GAD2: variants seen among roughly 807,000 people sequenced by gnomAD.
GAD2 encodes the protein 65 kDa glutamic acid decarboxylase.
In GAD2, 22 loss-of-function variants were observed where a neutral mutation model predicts 80.1. The ratio of observed to expected loss-of-function variants is 0.27; its 90% CI spans 0.20 to 0.39. The LOEUF is 0.39. Ranked by LOEUF, GAD2 falls within the 10% of genes least tolerant of loss-of-function variation. The pLI, the probability that GAD2 is intolerant of heterozygous loss-of-function variation, is 1.00. For synonymous variants in GAD2, 274 were observed against 256.9 expected (o/e 1.07, Z -0.64); for missense variants, 624 against 738.4 (o/e 0.85, Z 1.80).
intron 8 of GAD2, among the ~76,000 whole-genome samples, chr10:26,248,047 A>T (rs1179327352): frequency 2.6e-5 from 4 of 152,180 alleles, no homozygotes; most frequent in Non-Finnish European, 5.9e-5. Context: ...AGAAAGGAGG[A>T]CATTTATTTG....
intron 7 of GAD2, among the ~76,000 whole-genome samples, chr10:26,239,452 C>T (rs866228581): frequency 1.3e-5 from 2 of 152,168 alleles, no homozygotes; most frequent in African/African-American, 4.8e-5. Flanking sequence ...TCCACCAGAG[C>T]CACACCAACA....
At chr10:26,239,064 A>G (rs183778845) in intron 7 of GAD2, among the ~76,000 whole-genome samples, 73 of 152,252 alleles carry the variant, frequency 4.8e-4, no homozygotes, top group African/African-American at 1.7e-3. Context: ...TTCAAGATCT[A>G]CTTGTTGAGG....
rs771522366 is a variant in GAD2 at position 26,224,547 on chromosome 10, A to T, written c.620A>T (p.Tyr207Phe). The T allele has an allele frequency of 3.1e-6, 5 of 1,607,922 alleles. No individual in the cohort carries two copies. Among genetic ancestry groups the T allele is most frequent in the Non-Finnish European group, 4.3e-6 (5 of 1,174,424 alleles). Residue 207 changes from tyrosine to phenylalanine, a missense_variant, in exon 6 of 16, where the codon TAT becomes TTT. Transcript: ENST00000376261. The part of the protein sequence containing the change: ...TSTANTNMFT[Y>F]EIAPVFVLLE... ...CCATTACTACATTTCAGGTTCACCTATGAAATTGCTCCAGTATTTGTGCTT... is the reference window on the plus strand; with the variant it reads ...CCATTACTACATTTCAGGTTCACCTTTGAAATTGCTCCAGTATTTGTGCTT...
intron 8 of GAD2, among the ~76,000 whole-genome samples, chr10:26,264,669 G>T (rs901702752): frequency 4.6e-5 from 7 of 152,258 alleles, no homozygotes; most frequent in Non-Finnish European, 8.8e-5. Context: ...TTCCTAATCT[G>T]CACTGTAAGT....
rs1834344117 is a variant in GAD2 at position 26,303,052 on chromosome 10, G to A, written c.*2091G>A. The stretch of plus-strand genomic sequence containing the variant: ...GAGATGCTAATTGATCCAACCTGCT[G>A]TCCTTCGTGGAGAAGACAGTGGGGC... On this transcript the variant is annotated 3_prime_UTR_variant, in exon 16 of 16. Transcript: ENST00000376261. 1 of 152,226 alleles carries A rather than the reference G, an allele frequency of 6.6e-6. No homozygotes were observed. The highest frequency in any genetic ancestry group is 1.5e-5 in the Non-Finnish European group (1 of 68,060). The allele number at this position is 152,226 out of a possible 1,614,324, so 9.4% of individuals were successfully genotyped here. A position where few individuals can be genotyped will look rare whatever the true frequency, so the allele number is the denominator to read the frequency against.
chr10:26,245,520 C>T (rs1844798007), intron 7 of GAD2, among the ~76,000 whole-genome samples: 1 of 151,818 alleles, frequency 6.6e-6, no homozygotes, highest in Non-Finnish European at 1.5e-5. Context: ...TCACTGCAAC[C>T]TCCGCCTCCC....
At chr10:26,278,252 C>A (rs992990) in intron 11 of GAD2, among the ~76,000 whole-genome samples, 55,048 of 152,010 alleles carry the variant, frequency 0.36, 11,276 homozygotes, top group African/African-American at 0.57. Flanking sequence ...TGAGTTTATC[C>A]GAATTAGACA....
chr10:26,251,150 G>A lies in GAD2; in HGVS notation c.920+5150G>A, dbSNP rs925942860. 4.7e-5 allele frequency among the ~76,000 whole-genome samples: 7 copies of A among 148,158 alleles called. No individual in the cohort carries two copies. In the East Asian group the frequency reaches 7.9e-4, roughly 17 times the overall value. Reference sequence around the variant, plus strand: ...CCTGATCTCGTGATCCACCCACCTCGGCCTCCCAAAGTGCTAGGATTATAG... The same window carrying A: ...CCTGATCTCGTGATCCACCCACCTCAGCCTCCCAAAGTGCTAGGATTATAG... On this transcript the variant is annotated intron_variant, in intron 8 of 15. Coordinates refer to ENST00000376261, the MANE Select transcript of GAD2 (RefSeq NM_001134366.2).
intron 8 of GAD2, among the ~76,000 whole-genome samples, chr10:26,259,533 C>G (rs1292077487): frequency 2.0e-5 from 3 of 151,870 alleles, no homozygotes; most frequent in East Asian, 1.9e-4. Flanking sequence ...TGGAGAAATG[C>G]TTACTCAGGT....
Position 26,280,996 on chromosome 10 carries a change from T to C in GAD2, c.1158-13T>C. 6.2e-7 allele frequency: 1 copy of C among 1,611,220 alleles called. No individual in the cohort carries two copies. Among genetic ancestry groups the C allele is most frequent in the Non-Finnish European group, 8.5e-7 (1 of 1,177,488 alleles). On this transcript the variant is annotated splice_polypyrimidine_tract_variant and intron_variant, in intron 11 of 15. Transcript: ENST00000376261. ...GTGGAGTGCCACCCGCTTATGTGATTTCTTTATTTTAGGGCCAACTCTGTG... is the reference window on the plus strand; with the variant it reads ...GTGGAGTGCCACCCGCTTATGTGATCTCTTTATTTTAGGGCCAACTCTGTG...
chr10:26,218,781 C>CA (rs1018726414), intron 3 of GAD2, among the ~76,000 whole-genome samples: 2 of 151,890 alleles, frequency 1.3e-5, no homozygotes, highest in African/African-American at 4.8e-5. Context: ...ACACGCTCTT[C>CA]AAAAAAAGAA....
At chr10:26,238,200 G>A (rs1173595964) in intron 7 of GAD2, among the ~76,000 whole-genome samples, 1 of 152,146 alleles carries the variant, frequency 6.6e-6, no homozygotes, top group Non-Finnish European at 1.5e-5. Flanking sequence ...AAAATGATAT[G>A]TAAGGCACCT....
At chr10:26,249,211 C>T (rs1013598723) in intron 8 of GAD2, among the ~76,000 whole-genome samples, 10 of 152,030 alleles carry the variant, frequency 6.6e-5, no homozygotes, top group African/African-American at 2.4e-4. Context: ...TACAGGCACT[C>T]GCAACACGCC....
intron 7 of GAD2, among the ~76,000 whole-genome samples, chr10:26,239,243 C>A (rs1262764911): frequency 2.7e-4 from 41 of 152,204 alleles, no homozygotes; most frequent in Admixed American, 2.6e-3. Context: ...GATTTCCCAG[C>A]CAGTGTGTCC....
chr10:26,285,211 A>G (rs1845318248), intron 12 of GAD2, among the ~76,000 whole-genome samples: 5 of 152,244 alleles, frequency 3.3e-5, no homozygotes. Flanking sequence ...AGCCTAAACT[A>G]CAAGGTAGAG....
At position 26,302,996 on chromosome 10, in the gene GAD2, C is replaced by A. The variant is rs1362806266; in HGVS notation, c.*2035C>A. ...CACATAGCTGCCCGACTATCCGGAG[C>A]CTCAGGCCCAAAGGTTCCACTTCAG... On this transcript the variant is annotated 3_prime_UTR_variant, in exon 16 of 16. Transcript: ENST00000376261. The A allele has an allele frequency of 6.6e-6, 1 of 152,198 alleles. No individual in the cohort carries two copies. The highest frequency in any genetic ancestry group is 2.1e-4 in the South Asian group (1 of 4,826). 9.4% of individuals were successfully genotyped at this position (152,198 alleles called of 1,614,324 possible). A position where few individuals can be genotyped will look rare whatever the true frequency, so the allele number is the denominator to read the frequency against.
At chr10:26,250,044 G>A (rs1243763946) in intron 8 of GAD2, among the ~76,000 whole-genome samples, 1 of 151,260 alleles carries the variant, frequency 6.6e-6, no homozygotes, top group African/African-American at 2.4e-5. Flanking sequence ...TTTTTTTTAA[G>A]ACATGAGGTC....
chr10:26,265,594 AC>A (rs1340822494), intron 8 of GAD2, among the ~76,000 whole-genome samples: 2 of 152,138 alleles, frequency 1.3e-5, no homozygotes, highest in African/African-American at 4.8e-5. Context: ...AATGGCCCTG[AC>A]TTTAGTAGCA....
intron 4 of GAD2, among the ~76,000 whole-genome samples, chr10:26,222,061 C>G (rs979491317): frequency 1.3e-5 from 2 of 152,198 alleles, no homozygotes; most frequent in African/African-American, 4.8e-5. Flanking sequence ...GTCAAACTAT[C>G]TCCCTCCCTA....
Sources: allele counts gnomAD v4.1 joint callset (sites outside exome capture counted in the v4.1 genomes callset), GRCh38; gene constraint gnomAD v4.1.1; transcripts MANE v1.5; gene names NCBI Gene and HGNC (gene_info 2026-07-23, HGNC 2026-07-21).